Variants in GRM8 observed in about 807,000 individuals in gnomAD.
GRM8 encodes the protein glutamate metabotropic receptor 8.
In GRM8, 47 loss-of-function variants were observed where a neutral mutation model predicts 87.2. The observed-to-expected ratio is 0.54, with a 90% CI of 0.43 to 0.69. The LOEUF is 0.69. Ranked by LOEUF, GRM8 falls within the 30% of genes least tolerant of loss-of-function variation. The probability of loss-of-function intolerance (pLI) is 0.00; values close to 1 mark genes in which losing one functional copy is unlikely to be tolerated. For missense variants in GRM8, 1,019 were observed against 1,139.2 expected (o/e 0.89, Z 1.52); for synonymous variants, 396 against 404.5 (o/e 0.98, Z 0.25).
At chr7:127,184,099 G>A (rs989604674) in intron 2 of GRM8, among the ~76,000 whole-genome samples, 5 of 151,742 alleles carry the variant, frequency 3.3e-5, no homozygotes, top group African/African-American at 1.2e-4. Context: ...AGGAAAAAAT[G>A]ATACAATTTC....
intron 8 of GRM8, among the ~76,000 whole-genome samples, chr7:126,599,187 G>A (rs1044947719): frequency 1.3e-5 from 2 of 152,076 alleles, no homozygotes; most frequent in African/African-American, 4.8e-5. Context: ...GTAACAACGT[G>A]CCCCACAGAA....
chr7:127,028,152 A>G (rs551233356), intron 3 of GRM8, among the ~76,000 whole-genome samples: 1 of 152,294 alleles, frequency 6.6e-6, no homozygotes, highest in Admixed American at 6.5e-5. Context: ...TGAATGTTGA[A>G]CCAGCCTTGC....
intron 3 of GRM8, among the ~76,000 whole-genome samples, chr7:126,942,871 G>T (rs1488146452): frequency 6.6e-6 from 1 of 152,134 alleles, no homozygotes; most frequent in Non-Finnish European, 1.5e-5. Flanking sequence ...CACTGGGCAG[G>T]TGAAGGGGGA....
intron 2 of GRM8, among the ~76,000 whole-genome samples, chr7:127,192,050 G>A (rs1443457223): frequency 1.3e-5 from 2 of 151,484 alleles, no homozygotes; most frequent in Non-Finnish European, 2.9e-5. Flanking sequence ...CCCCTTTTTT[G>A]TAAAATGGTG....
intron 7 of GRM8, among the ~76,000 whole-genome samples, chr7:126,683,086 C>T (rs1807789675): frequency 6.6e-6 from 1 of 152,018 alleles, no homozygotes; most frequent in Non-Finnish European, 1.5e-5. Flanking sequence ...GTGTGTGACC[C>T]CTGTGGTAGG....
chr7:126,844,894 T>G (rs985989869), intron 6 of GRM8, among the ~76,000 whole-genome samples: 2 of 152,214 alleles, frequency 1.3e-5, no homozygotes, highest in South Asian at 4.1e-4. Flanking sequence ...TATCTCCAAA[T>G]AGTCACATTG....
At chr7:127,100,175 T>C (rs1409623855) in intron 3 of GRM8, among the ~76,000 whole-genome samples, 1 of 152,180 alleles carries the variant, frequency 6.6e-6, no homozygotes, top group Non-Finnish European at 1.5e-5. Flanking sequence ...TTTAAGCCAC[T>C]AGTATACTAT....
chr7:126,805,335 A>C (rs2106191), intron 6 of GRM8, among the ~76,000 whole-genome samples: 16,188 of 152,186 alleles, frequency 0.11, 2,802 homozygotes, highest in African/African-American at 0.36. Context: ...TCAGAGCACA[A>C]CTGGAACTAT....
At chr7:127,090,007 G>A (rs529693903) in intron 3 of GRM8, among the ~76,000 whole-genome samples, 49 of 152,212 alleles carry the variant, frequency 3.2e-4, no homozygotes, top group Middle Eastern at 3.4e-3. Flanking sequence ...TGTTTCAATG[G>A]CATAGATCCC....
At chr7:127,114,852 G>A (rs186773586) in intron 2 of GRM8, among the ~76,000 whole-genome samples, 1 of 152,124 alleles carries the variant, frequency 6.6e-6, no homozygotes, top group Non-Finnish European at 1.5e-5. Context: ...TATTGTATGA[G>A]TCATAGAGGG....
intron 9 of GRM8, among the ~76,000 whole-genome samples, chr7:126,469,455 C>A (rs1804892235): frequency 6.6e-6 from 1 of 152,084 alleles, no homozygotes. Flanking sequence ...TGTCCCCACC[C>A]AAATATCATT....
chr7:126,918,979 T>C (rs552999829), intron 3 of GRM8, among the ~76,000 whole-genome samples: 1 of 152,282 alleles, frequency 6.6e-6, no homozygotes, highest in East Asian at 1.9e-4. Flanking sequence ...TTTCCATTCA[T>C]GCAGTGACTT....
rs181585232 is a variant in GRM8, at chr7:126,779,354, T to C, written c.1157-9289A>G. Among the ~76,000 whole-genome samples the C allele has an allele frequency of 3.8e-3, 578 of 152,216 alleles. 3 individuals carry two copies. Among genetic ancestry groups the C allele is most frequent in the Non-Finnish European group, 6.4e-3 (437 of 67,960 alleles). Reference sequence around the variant, plus strand: ...TATTCTTGAACACCTCTCTGGATTTTCTGCCCTAGGCCATTTTTCTCTTAA... The same window carrying C: ...TATTCTTGAACACCTCTCTGGATTTCCTGCCCTAGGCCATTTTTCTCTTAA... On this transcript the variant is annotated intron_variant, in intron 6 of 10. Coordinates refer to ENST00000339582, the MANE Select transcript of GRM8 (RefSeq NM_000845.3).
At chr7:126,826,815 G>C (rs1410161090) in intron 6 of GRM8, among the ~76,000 whole-genome samples, 1 of 152,136 alleles carries the variant, frequency 6.6e-6, no homozygotes, top group Non-Finnish European at 1.5e-5. Context: ...GAATGGTAAT[G>C]CCTAGGTTTT....
intron 7 of GRM8, among the ~76,000 whole-genome samples, chr7:126,643,306 AAAAAAAAAAAAAAATATATATATAT>A (rs1563049676): frequency 8.9e-5 from 3 of 33,740 alleles, no homozygotes; most frequent in Non-Finnish European, 1.9e-4. Flanking sequence ...AAAAAAAAAA[AAAAAAAAAAAAAAATATATATATAT>A]ATATATATAT....
chr7:126,994,216 C>T (rs1812955824), intron 3 of GRM8, among the ~76,000 whole-genome samples: 1 of 152,146 alleles, frequency 6.6e-6, no homozygotes, highest in South Asian at 2.1e-4. Flanking sequence ...TCCCAGATGA[C>T]ATTTCTAGAC....
At chr7:126,726,926 C>G (rs1813053263) in intron 7 of GRM8, among the ~76,000 whole-genome samples, 1 of 152,004 alleles carries the variant, frequency 6.6e-6, no homozygotes, top group Non-Finnish European at 1.5e-5. Context: ...AAAATATTGT[C>G]AAGCACTTAA....
At chr7:127,251,684 T>C (rs925849497) in intron 1 of GRM8, among the ~76,000 whole-genome samples, 1 of 151,200 alleles carries the variant, frequency 6.6e-6, no homozygotes, top group Non-Finnish European at 1.5e-5. Context: ...CCGCCGCACC[T>C]GGCCGCCCGA....
chr7:126,446,095 T>C (rs746301281), intron 10 of GRM8, 31 bp downstream of exon 10: 52 of 1,612,050 alleles, frequency 3.2e-5, no homozygotes, highest in Admixed American at 8.4e-5. Flanking sequence ...GCTCCCGCTC[T>C]TGACCATCGG....
Sources: gnomAD v4.1 joint callset for allele counts (sites outside exome capture counted in the v4.1 genomes callset) on GRCh38, gnomAD v4.1.1 for gene constraint, MANE v1.5 for transcripts, NCBI Gene and HGNC (gene_info 2026-07-23, HGNC 2026-07-21) for gene names.